Variants in OXR1 observed in about 807,000 individuals in gnomAD.
The protein encoded by OXR1 is oxidation resistance 1.
A neutral mutation model predicts 104.6 loss-of-function variants in OXR1; 41 were observed. That is an observed-to-expected ratio of 0.39 (90% CI 0.31 to 0.51). OXR1 has a LOEUF of 0.51. Among genes scored for constraint, OXR1 ranks in the 20% least tolerant of loss-of-function variants. The probability of loss-of-function intolerance (pLI) is 0.77; values close to 1 mark genes in which losing one functional copy is unlikely to be tolerated. For missense variants in OXR1, 955 were observed against 1,031.9 expected, an observed-to-expected ratio of 0.93 and a Z score of 1.02; for synonymous variants, 348 against 348.4, an observed-to-expected ratio of 1.00 and a Z score of 0.01.
intron 2 of OXR1, among the ~76,000 whole-genome samples, chr8:106,489,320 G>A (rs915730321): frequency 2.6e-5 from 4 of 152,170 alleles, no homozygotes; most frequent in Admixed American, 6.5e-5. Flanking sequence ...TATTTCTAAT[G>A]CTGCTGTGTG....
chr8:106,279,283 C>T, intron 1 of OXR1, among the ~76,000 whole-genome samples: 1 of 151,998 alleles, frequency 6.6e-6, no homozygotes, highest in Non-Finnish European at 1.5e-5. Flanking sequence ...AAAAAATTAC[C>T]ATTCTGGCAT....
intron 3 of OXR1, among the ~76,000 whole-genome samples, chr8:106,622,083 TCATTTC>T (rs1190658572): frequency 6.6e-6 from 1 of 152,158 alleles, no homozygotes; most frequent in East Asian, 1.9e-4. Flanking sequence ...AATGGAAGCA[TCATTTC>T]TCTAGCTATT....
intron 2 of OXR1, among the ~76,000 whole-genome samples, chr8:106,360,357 A>G (rs1816189182): frequency 6.6e-6 from 1 of 152,224 alleles, no homozygotes; most frequent in African/African-American, 2.4e-5. Context: ...CAATACATGA[A>G]TATAAGGAAA....
chr8:106,692,638 G>A, intron 6 of OXR1, 90 bp from the exon 7 acceptor site: 1 of 673,328 alleles, frequency 1.5e-6, no homozygotes. Context: ...CACTTATTGG[G>A]GAAAGCTATT....
At chr8:106,331,133 G>T (rs542073525) in intron 1 of OXR1, among the ~76,000 whole-genome samples, 2 of 152,234 alleles carry the variant, frequency 1.3e-5, no homozygotes, top group African/African-American at 4.8e-5. Context: ...CTTCTTACTT[G>T]TTTGTGTATG....
intron 2 of OXR1, among the ~76,000 whole-genome samples, chr8:106,484,452 T>A (rs1185614656): frequency 2.6e-5 from 4 of 152,010 alleles, no homozygotes; most frequent in African/African-American, 9.7e-5. Context: ...TCATAATAAT[T>A]AAAATCTTTT....
Position 106,684,358 on chromosome 8 carries a change from C to T in OXR1, c.524C>T (p.Thr175Ile), listed in dbSNP as rs142837359. ...TSSEAEFDKT[T>I]NPDVHPTEAT... ...TCTGAGGCTGAATTTGATAAGACCACTGTAAGTATCTCTGCTTTGCAAAGA... is the reference window on the plus strand; with the variant it reads ...TCTGAGGCTGAATTTGATAAGACCATTGTAAGTATCTCTGCTTTGCAAAGA... Residue 175 changes from threonine (T) to isoleucine (I), a missense_variant and splice_region_variant, in exon 6 of 17, where the codon ACT (threonine) becomes ATT (isoleucine). Transcript: ENST00000517566. The T allele has an allele frequency of 6.2e-5, 89 of 1,439,962 alleles. No homozygotes were observed. The African/African-American group carries it at 1.1e-3, about 18-fold the overall frequency. 89.2% of individuals were successfully genotyped at this position (1,439,962 alleles called of 1,614,324 possible).
intron 1 of OXR1, among the ~76,000 whole-genome samples, chr8:106,280,790 A>G (rs920998329): frequency 6.6e-6 from 1 of 152,176 alleles, no homozygotes; most frequent in Admixed American, 6.6e-5. Context: ...AGTGAAGAAG[A>G]AGAAATTAGT....
At chr8:106,455,998 CTT>C (rs1281896920) in intron 2 of OXR1, among the ~76,000 whole-genome samples, 1 of 152,062 alleles carries the variant, frequency 6.6e-6, no homozygotes, top group African/African-American at 2.4e-5. Context: ...ATTCTGTAAA[CTT>C]AATGACATTT....
At chr8:106,718,838 C>CAA (rs34959772) in intron 11 of OXR1, among the ~76,000 whole-genome samples, 7,294 of 132,282 alleles carry the variant, frequency 0.055, 352 homozygotes, top group African/African-American at 0.14. Flanking sequence ...GACTCCACCT[C>CAA]AAAAAAAAAA....
chr8:106,379,836 C>G (rs1180392802), intron 2 of OXR1, among the ~76,000 whole-genome samples: 1 of 151,996 alleles, frequency 6.6e-6, no homozygotes, highest in African/African-American at 2.4e-5. Flanking sequence ...AGCTACCAAA[C>G]CCGGTCCAAA....
chr8:106,729,397 T>A (rs1326524113), intron 11 of OXR1, among the ~76,000 whole-genome samples: 1 of 152,126 alleles, frequency 6.6e-6, no homozygotes. Context: ...CTATTTTATA[T>A]ATACTTTATA....
chr8:106,714,970 A>G (rs1344886981), intron 11 of OXR1, among the ~76,000 whole-genome samples: 1 of 152,160 alleles, frequency 6.6e-6, no homozygotes, highest in East Asian at 1.9e-4. Flanking sequence ...GAGGGAAAGA[A>G]GAACATATCG....
chr8:106,323,762 C>T (rs1814332560), intron 1 of OXR1, among the ~76,000 whole-genome samples: 1 of 152,084 alleles, frequency 6.6e-6, no homozygotes, highest in African/African-American at 2.4e-5. Context: ...TGAAAAAAAG[C>T]CCAATATCAC....
chr8:106,662,954 AG>A (rs1194716954), intron 3 of OXR1, among the ~76,000 whole-genome samples: 18 of 152,206 alleles, frequency 1.2e-4, no homozygotes, highest in African/African-American at 4.1e-4. Flanking sequence ...AAACTTTTTG[AG>A]GGCCTACATG....
intron 1 of OXR1, among the ~76,000 whole-genome samples, chr8:106,311,721 A>G (rs1489534755): frequency 6.6e-6 from 1 of 152,162 alleles, no homozygotes; most frequent in African/African-American, 2.4e-5. Flanking sequence ...CACTGCCTTC[A>G]AAAATACAAA....
intron 7 of OXR1, among the ~76,000 whole-genome samples, chr8:106,701,145 A>T (rs942789887): frequency 6.6e-6 from 1 of 152,180 alleles, no homozygotes; most frequent in African/African-American, 2.4e-5. Context: ...ATTAATTGAA[A>T]GAGAAATAGG....
chr8:106,729,111 G>A (rs1833621285), intron 11 of OXR1, among the ~76,000 whole-genome samples: 1 of 152,100 alleles, frequency 6.6e-6, no homozygotes, highest in South Asian at 2.1e-4. Context: ...TACTGACAGT[G>A]TATACCAAAT....
At chr8:106,420,187 T>C (rs1450371313) in intron 2 of OXR1, among the ~76,000 whole-genome samples, 1 of 152,154 alleles carries the variant, frequency 6.6e-6, no homozygotes, top group African/African-American at 2.4e-5. Flanking sequence ...TTAAATTACT[T>C]TTCTTTGAAA....
Sources: gnomAD v4.1 joint callset for allele counts (sites outside exome capture counted in the v4.1 genomes callset) on GRCh38, gnomAD v4.1.1 for gene constraint, MANE v1.5 for transcripts, NCBI Gene and HGNC (gene_info 2026-07-23, HGNC 2026-07-21) for gene names.